The following RCOR1 variants were observed in gnomAD, a reference collection of about 807,000 sequenced individuals.
RCOR1 encodes REST corepressor 1.
A neutral mutation model predicts 64.0 loss-of-function variants in RCOR1; 12 were observed. The ratio of observed to expected loss-of-function variants is 0.19; its 90% confidence interval spans 0.12 to 0.30. The LOEUF (loss-of-function observed/expected upper bound fraction) is 0.30, where lower values mean the gene tolerates loss of function less well. Ranked by LOEUF, RCOR1 falls within the 10% of genes least tolerant of loss-of-function variation. RCOR1 has a pLI of 1.00. For synonymous variants in RCOR1, 279 were observed against 227.2 expected (o/e 1.23, Z -2.05); for missense variants, 502 against 621.2 (o/e 0.81, Z 2.04).
chr14:102,632,548 G>A (rs1055218329), intron 2 of RCOR1, among the ~76,000 whole-genome samples: 2 of 151,834 alleles, frequency 1.3e-5, no homozygotes, highest in African/African-American at 2.4e-5. Context: ...AGGATTTTTC[G>A]TTCTTTTTTC....
intron 3 of RCOR1, among the ~76,000 whole-genome samples, chr14:102,694,089 A>G (rs973608733): frequency 6.6e-6 from 1 of 152,168 alleles, no homozygotes; most frequent in Non-Finnish European, 1.5e-5. Flanking sequence ...AAACCATGTG[A>G]GAGATCTTGA....
At chr14:102,722,560 A>G in intron 11 of RCOR1, 144 bp downstream of exon 11, 1 of 638,936 alleles carries the variant, frequency 1.6e-6, no homozygotes, top group Non-Finnish European at 2.8e-6. Context: ...AATAGCCGGA[A>G]TGTGTATGCA....
intron 3 of RCOR1, among the ~76,000 whole-genome samples, chr14:102,699,015 T>C (rs1895701936): frequency 6.6e-6 from 1 of 152,126 alleles, no homozygotes; most frequent in South Asian, 2.1e-4. Context: ...GCCTCCCAAG[T>C]AGCTGGAACT....
chr14:102,593,768 C>T (rs1367341226), intron 2 of RCOR1, among the ~76,000 whole-genome samples: 1 of 152,190 alleles, frequency 6.6e-6, no homozygotes, highest in African/African-American at 2.4e-5. Context: ...GCTCCCCACG[C>T]CTTTGCTCCT....
chr14:102,661,296 C>T (rs1443343538), intron 2 of RCOR1, among the ~76,000 whole-genome samples: 1 of 151,980 alleles, frequency 6.6e-6, no homozygotes, highest in Non-Finnish European at 1.5e-5. Context: ...TGCAGTGAGT[C>T]GAGATTGTGC....
chr14:102,607,044 C>T (rs1408911202), intron 2 of RCOR1, among the ~76,000 whole-genome samples: 4 of 151,464 alleles, frequency 2.6e-5, no homozygotes, highest in Non-Finnish European at 5.9e-5. Flanking sequence ...AGTGGTTCTC[C>T]TGCCTCAGCC....
intron 2 of RCOR1, among the ~76,000 whole-genome samples, chr14:102,625,766 AG>A (rs765627773): frequency 1.3e-5 from 2 of 152,156 alleles, no homozygotes; most frequent in Non-Finnish European, 2.9e-5. Context: ...GTTTCCTAGA[AG>A]GGAAGTAGGT....
At chr14:102,712,397 C>T (rs961186348) in intron 7 of RCOR1, among the ~76,000 whole-genome samples, 2 of 151,806 alleles carry the variant, frequency 1.3e-5, no homozygotes, top group Non-Finnish European at 2.9e-5. Context: ...ATCATGTTGG[C>T]CAGGCTGGAC....
At chr14:102,657,370 A>G in intron 2 of RCOR1, 1 of 985,266 alleles carries the variant, frequency 1.0e-6, no homozygotes, top group Non-Finnish European at 1.2e-6. Context: ...CTAATTTAAG[A>G]CCGATTTACT....
At chr14:102,696,371 ACTCATT>A (rs200088843) in intron 3 of RCOR1, among the ~76,000 whole-genome samples, 1,566 of 152,248 alleles carry the variant, frequency 0.01, 16 homozygotes, top group Admixed American at 0.015. Flanking sequence ...GAAGCCCATA[ACTCATT>A]CACCTATGCT....
chr14:102,679,186 T>TC (rs1364055679), intron 2 of RCOR1, among the ~76,000 whole-genome samples: 1 of 152,220 alleles, frequency 6.6e-6, no homozygotes, highest in Non-Finnish European at 1.5e-5. Context: ...AGATCTCCTT[T>TC]CCCAATCCAA....
intron 2 of RCOR1, among the ~76,000 whole-genome samples, chr14:102,622,587 C>T (rs1045883579): frequency 2.6e-5 from 4 of 152,114 alleles, no homozygotes; most frequent in Non-Finnish European, 4.4e-5. Context: ...TTTAAACTCA[C>T]GGTATATCAG....
chr14:102,592,977 TCCG>T lies in RCOR1; in HGVS notation c.100_102del (p.Ala34del). On this transcript the variant is annotated inframe_deletion, in exon 1 of 12. Transcript: ENST00000262241. ...CGCCTCCGCCTCCGCCGCCGCCGCC[TCCG>T]CCGCCGCCTCGGCCGCCTGCGCCTC... 2 of 1,153,712 alleles carry T rather than the reference TCCG, an allele frequency of 1.7e-6. No homozygotes were observed. Among genetic ancestry groups the T allele is most frequent in the Admixed American group, 4.5e-5 (1 of 22,024 alleles). The allele number at this position is 1,153,712 out of a possible 1,614,324, so 71.5% of individuals were successfully genotyped here. A position where few individuals can be genotyped will look rare whatever the true frequency, so the allele number is the denominator to read the frequency against.
chr14:102,706,941 C>T (rs1330102942), intron 4 of RCOR1, among the ~76,000 whole-genome samples: 1 of 151,958 alleles, frequency 6.6e-6, no homozygotes, highest in Non-Finnish European at 1.5e-5. Context: ...ACAAATACCA[C>T]CTTCCCTTGT....
intron 2 of RCOR1, among the ~76,000 whole-genome samples, chr14:102,601,006 A>G (rs1224464182): frequency 3.3e-5 from 5 of 151,638 alleles, no homozygotes; most frequent in African/African-American, 9.7e-5. Flanking sequence ...CCTGGCCAAC[A>G]TGATGAAACC....
intron 2 of RCOR1, among the ~76,000 whole-genome samples, chr14:102,593,585 G>C (rs546549759): frequency 6.6e-6 from 1 of 152,358 alleles, no homozygotes; most frequent in South Asian, 2.1e-4. Flanking sequence ...AGGACTGCGG[G>C]TGGCGTCGGA....
intron 4 of RCOR1, among the ~76,000 whole-genome samples, chr14:102,705,408 G>A (rs1386723234): frequency 6.6e-6 from 1 of 152,170 alleles, no homozygotes; most frequent in Non-Finnish European, 1.5e-5. Flanking sequence ...TAATAAAGGT[G>A]TAATGTGCAA....
chr14:102,698,451 C>T (rs560569244), intron 3 of RCOR1, among the ~76,000 whole-genome samples: 1 of 152,254 alleles, frequency 6.6e-6, no homozygotes. Flanking sequence ...ATCATACATA[C>T]ATTCCTTACT....
At chr14:102,675,121 T>C (rs1196901887) in intron 2 of RCOR1, among the ~76,000 whole-genome samples, 1 of 151,580 alleles carries the variant, frequency 6.6e-6, no homozygotes, top group Non-Finnish European at 1.5e-5. Context: ...TCAGCAAATA[T>C]TAGTATCTAC....
Sources: allele counts gnomAD v4.1 joint callset (sites outside exome capture counted in the v4.1 genomes callset), GRCh38; gene constraint gnomAD v4.1.1; transcripts MANE v1.5; gene names NCBI Gene and HGNC (gene_info 2026-07-23, HGNC 2026-07-21).